CDH18: variants seen among roughly 807,000 people sequenced by gnomAD.
CDH18 encodes cadherin 18.
A neutral mutation model predicts 67.9 loss-of-function variants in CDH18; 31 were observed. The ratio of observed to expected loss-of-function variants is 0.46; its 90% CI spans 0.34 to 0.62. The LOEUF is 0.62. CDH18 is among the 20% of genes least tolerant of loss of function. The pLI is 0.01. For missense variants in CDH18, 890 were observed against 975.5 expected, an observed-to-expected ratio of 0.91 and a Z score of 1.17; for synonymous variants, 362 against 347.2, an observed-to-expected ratio of 1.04 and a Z score of -0.48.
intron 8 of CDH18, among the ~76,000 whole-genome samples, chr5:19,566,717 C>T (rs62349515): frequency 0.078 from 11,813 of 152,166 alleles, 526 homozygotes; most frequent in African/African-American, 0.11. Flanking sequence ...CAAGATGAGA[C>T]TTGGGTGAGG....
intron 2 of CDH18, among the ~76,000 whole-genome samples, chr5:20,085,373 G>A (rs1190762845): frequency 6.6e-6 from 1 of 152,006 alleles, no homozygotes; most frequent in East Asian, 1.9e-4. Context: ...TCAGCATTTT[G>A]GTCAAAGCCA....
Position 20,522,759 on chromosome 5 carries a change from G to A in CDH18, c.-580+52703C>T, listed in dbSNP as rs974963467. On this transcript the variant is annotated intron_variant, in intron 1 of 14. Coordinates refer to the CDH18 transcript ENST00000507958. The stretch of plus-strand genomic sequence containing the variant: ...ATGTTCTTAGGATAATCTAAAACCC[G>A]TTAGGAAGTGGTTTTCACTACAATT... Among the ~76,000 whole-genome samples, 12 of 152,200 alleles carry A rather than the reference G, an allele frequency of 7.9e-5. No individual in the cohort carries two copies. The Middle Eastern group carries it at 0.017, about 216-fold the overall frequency.
intron 1 of CDH18, among the ~76,000 whole-genome samples, chr5:20,511,931 A>G (rs1475848771): frequency 6.6e-6 from 1 of 152,168 alleles, no homozygotes; most frequent in African/African-American, 2.4e-5. Flanking sequence ...AACAATTTTT[A>G]TAAATTTAAA....
At position 19,765,916 on chromosome 5, in the gene CDH18, G is replaced by T. The variant is rs139823104; in HGVS notation, c.229-18680C>A. Among the ~76,000 whole-genome samples the T allele has an allele frequency of 8.7e-3, 1,305 of 150,034 alleles. 20 individuals carry two copies. The highest frequency in any genetic ancestry group is 0.03 in the African/African-American group (1,234 of 40,804). On this transcript the variant is annotated intron_variant, in intron 3 of 12. Coordinates refer to ENST00000382275, the MANE Select transcript of CDH18 (RefSeq NM_004934.5). ...TTCTTTTGAGACAGAGTCTCGCTCT[G>T]CCACCCAGGCTGGAGTGCAATGACA...
At chr5:19,878,142 G>A (rs1324117167) in intron 2 of CDH18, 2 of 151,946 alleles carry the variant, frequency 1.3e-5, no homozygotes, top group South Asian at 4.1e-4. Context: ...TTCCCTTTAG[G>A]TATGGCAATT....
intron 1 of CDH18, among the ~76,000 whole-genome samples, chr5:20,317,265 C>T (rs115443425): frequency 6.6e-6 from 1 of 152,112 alleles, no homozygotes; most frequent in African/African-American, 2.4e-5. Flanking sequence ...TCTTTGCTGA[C>T]AGCTGTGTAA....
intron 8 of CDH18, among the ~76,000 whole-genome samples, chr5:19,562,354 C>CT (rs959408671): frequency 1.4e-4 from 21 of 152,024 alleles, no homozygotes; most frequent in East Asian, 3.9e-4. Flanking sequence ...AAATCTCTCT[C>CT]TTTTTTTTGC....
intron 2 of CDH18, among the ~76,000 whole-genome samples, chr5:20,074,237 C>A (rs530490575): frequency 6.6e-6 from 1 of 152,130 alleles, no homozygotes; most frequent in African/African-American, 2.4e-5. Context: ...ATTTTGAATG[C>A]CTGTTACCGT....
intron 2 of CDH18, among the ~76,000 whole-genome samples, chr5:20,005,653 A>T (rs7701050): frequency 0.035 from 5,325 of 152,070 alleles, 312 homozygotes; most frequent in African/African-American, 0.12. Flanking sequence ...AAGTTATTTA[A>T]GATGGTTAAT....
intron 2 of CDH18, among the ~76,000 whole-genome samples, chr5:19,973,610 G>A (rs1798231118): frequency 6.6e-6 from 1 of 152,124 alleles, no homozygotes. Flanking sequence ...TAGTGTGATG[G>A]AGAACTACTT....
intron 5 of CDH18, among the ~76,000 whole-genome samples, chr5:19,656,288 C>T (rs1182029657): frequency 2.0e-5 from 3 of 151,876 alleles, no homozygotes; most frequent in Non-Finnish European, 4.4e-5. Flanking sequence ...AATAATAATT[C>T]GTGTTTTTTC....
chr5:20,193,606 A>G (rs1252242129), intron 2 of CDH18, among the ~76,000 whole-genome samples: 2 of 152,140 alleles, frequency 1.3e-5, no homozygotes, highest in Non-Finnish European at 2.9e-5. Flanking sequence ...TTATGAAGCC[A>G]ACATCATCCT....
At chr5:19,795,242 G>T (rs997166243) in intron 3 of CDH18, among the ~76,000 whole-genome samples, 2 of 152,060 alleles carry the variant, frequency 1.3e-5, no homozygotes, top group Non-Finnish European at 2.9e-5. Context: ...TACTGAGGCA[G>T]GTTGTCTGGA....
At chr5:19,842,565 T>C (rs1361407075) in intron 2 of CDH18, among the ~76,000 whole-genome samples, 1 of 152,204 alleles carries the variant, frequency 6.6e-6, no homozygotes, top group Admixed American at 6.5e-5. Flanking sequence ...CTTTGCTTTA[T>C]AAATTTCCCA....
At chr5:20,131,671 T>C (rs1014647371) in intron 2 of CDH18, among the ~76,000 whole-genome samples, 1 of 152,194 alleles carries the variant, frequency 6.6e-6, no homozygotes, top group African/African-American at 2.4e-5. Flanking sequence ...TCAAGTGCTT[T>C]AGACTTTGCA....
At chr5:20,194,669 T>TA (rs370885749) in intron 2 of CDH18, among the ~76,000 whole-genome samples, 1,604 of 139,270 alleles carry the variant, frequency 0.012, 40 homozygotes, top group African/African-American at 0.043. Flanking sequence ...TTTTTTTTTT[T>TA]AAAAAGAATG....
At chr5:20,460,932 A>C (rs998359404) in intron 1 of CDH18, among the ~76,000 whole-genome samples, 3 of 152,228 alleles carry the variant, frequency 2.0e-5, no homozygotes, top group African/African-American at 7.2e-5. Context: ...TGCAACTAAC[A>C]GTGAAAAATG....
chr5:20,411,593 G>A (rs2150144212), intron 1 of CDH18, among the ~76,000 whole-genome samples: 1 of 151,562 alleles, frequency 6.6e-6, no homozygotes, highest in South Asian at 2.1e-4. Context: ...CAAAATGATG[G>A]ATAAACGGGA....
At chr5:19,710,666 G>A (rs1049990945) in intron 5 of CDH18, among the ~76,000 whole-genome samples, 7 of 151,962 alleles carry the variant, frequency 4.6e-5, no homozygotes, top group African/African-American at 1.2e-4. Flanking sequence ...GATCAGAGAC[G>A]TGACAAATGT....
Sources: allele counts gnomAD v4.1 joint callset (sites outside exome capture counted in the v4.1 genomes callset), GRCh38; gene constraint gnomAD v4.1.1; transcripts MANE v1.5; gene names NCBI Gene and HGNC (gene_info 2026-07-23, HGNC 2026-07-21).